Variants in SMARCD3 observed in about 807,000 individuals in gnomAD.
SMARCD3 encodes the protein SWI/SNF related BAF chromatin remodeling complex subunit D3.
Under a neutral mutation model 58.0 loss-of-function variants are expected in SMARCD3, and 14 were observed. The ratio of observed to expected loss-of-function variants is 0.24; its 90% CI spans 0.16 to 0.38. SMARCD3 has a LOEUF of 0.38. Ranked by LOEUF, SMARCD3 falls within the 10% of genes least tolerant of loss-of-function variation. The pLI is 1.00. For synonymous variants in SMARCD3, 253 were observed against 253.8 expected, an observed-to-expected ratio of 1.00 and a Z score of 0.03; for missense variants, 408 against 636.9, an observed-to-expected ratio of 0.64 and a Z score of 3.87.
Position 151,243,067 on chromosome 7 carries a change from A to C in SMARCD3, c.334-224T>G, listed in dbSNP as rs1029436617. 2.0e-5 allele frequency among the ~76,000 whole-genome samples: 3 copies of C among 152,134 alleles called. No homozygotes were observed. The highest frequency in any genetic ancestry group is 4.4e-5 in the Non-Finnish European group (3 of 68,002). ...ATAACAATTGCTTCTCCCTTTAGGA[A>C]GTGCCTTGTGTTTCATCATCAGGGA... On this transcript the variant is annotated intron_variant, in intron 3 of 12. Coordinates refer to ENST00000262188, the MANE Select transcript of SMARCD3 (RefSeq NM_001003801.2). This position sits in a 1 kb window ranked among gnomAD's most constrained non-coding sequence, Gnocchi z 4.4.
At position 151,242,279 on chromosome 7, in the gene SMARCD3, G is replaced by T; in HGVS notation, c.580-47C>A. 2 of 1,510,334 alleles carry T rather than the reference G, an allele frequency of 1.3e-6. No individual in the cohort carries two copies. The highest frequency in any genetic ancestry group is 1.1e-5 in the South Asian group (1 of 89,100). The allele number at this position is 1,510,334 out of a possible 1,614,324, so 93.6% of individuals were successfully genotyped here. On this transcript the variant is annotated intron_variant, in intron 5 of 12. Coordinates refer to ENST00000262188, the MANE Select transcript of SMARCD3 (RefSeq NM_001003801.2). The surrounding 1 kb of genome is among the most constrained non-coding windows in gnomAD (Gnocchi z 4.7). ...CATGGGGGCAGAACAGGGACGAGGTGGGAGGAGCAGAAGGAGGCCAAGTTG... is the reference window on the plus strand; with the variant it reads ...CATGGGGGCAGAACAGGGACGAGGTTGGAGGAGCAGAAGGAGGCCAAGTTG...
rs1292171762 is a variant in SMARCD3 at position 151,240,004 on chromosome 7, TTTAA to T, written c.1173+104_1173+107del. On this transcript the variant is annotated intron_variant, in intron 10 of 12. Coordinates refer to ENST00000262188, the MANE Select transcript of SMARCD3 (RefSeq NM_001003801.2). The stretch of plus-strand genomic sequence containing the variant: ...GTCTGGTCTCTTTTTTTTTTTTTTT[TTTAA>T]TTTAACCCAGACTGCTCATCTGCAA... 4 of 1,205,156 alleles carry T rather than the reference TTTAA, an allele frequency of 3.3e-6. No individual in the cohort carries two copies. The East Asian group carries it at 7.4e-5, about 22-fold the overall frequency. 74.7% of individuals were successfully genotyped at this position (1,205,156 alleles called of 1,614,324 possible).
chr7:151,245,404 CG>C lies in SMARCD3; in HGVS notation c.290+55del. The C allele has an allele frequency of 1.5e-6, 1 of 674,570 alleles. No individual in the cohort carries two copies. Among genetic ancestry groups the C allele is most frequent in the Non-Finnish European group, 2.1e-6 (1 of 480,942 alleles). The allele number at this position is 674,570 out of a possible 1,614,324, so 41.8% of individuals were successfully genotyped here. A position where few individuals can be genotyped will look rare whatever the true frequency, so the allele number is the denominator to read the frequency against. On this transcript the variant is annotated intron_variant, in intron 2 of 12. Coordinates refer to ENST00000262188, the MANE Select transcript of SMARCD3 (RefSeq NM_001003801.2). This position sits in a 1 kb window ranked among gnomAD's most constrained non-coding sequence, Gnocchi z 6.2. ...CCGCTACTCGCTTACCTGGTCCCTG[CG>C]GGTCCCCCAGGGCCCGCCCCTGCAC...
At chr7:151,269,791 G>A (rs528974825) in intron 2 of SMARCD3, among the ~76,000 whole-genome samples, 1 of 152,326 alleles carries the variant, frequency 6.6e-6, no homozygotes, top group Admixed American at 6.5e-5. Context: ...GGTGAACGCA[G>A]GCATTGTGCA....
chr7:151,259,938 T>A (rs1263746657), intron 2 of SMARCD3, among the ~76,000 whole-genome samples: 1 of 152,078 alleles, frequency 6.6e-6, no homozygotes, highest in African/African-American at 2.4e-5. Context: ...AGTAATAACA[T>A]CGGCTTAGAT....
chr7:151,262,080 C>T lies in SMARCD3; in HGVS notation c.39+13034G>A, dbSNP rs187681575. Among the ~76,000 whole-genome samples the T allele has an allele frequency of 1.8e-3, 272 of 149,518 alleles. 1 individual carries two copies. The highest frequency in any genetic ancestry group is 3.1e-3 in the Non-Finnish European group (205 of 67,076). On this transcript the variant is annotated intron_variant, in intron 2 of 13. Transcript: ENST00000356800. ...GAAGCCACCACATGTAGCACATCCA[C>T]TGCACTTCAACCTTTTTTTTTTTTT...
At chr7:151,257,597 T>C (rs2530458) in intron 2 of SMARCD3, among the ~76,000 whole-genome samples, 74,351 of 151,970 alleles carry the variant, frequency 0.49, 18,659 homozygotes, top group East Asian at 0.85. Flanking sequence ...AGTGCTGGGA[T>C]TACAGGTGTG....
At chr7:151,240,775 C>T in intron 8 of SMARCD3, 1 of 497,448 alleles carries the variant, frequency 2.0e-6, no homozygotes, top group Non-Finnish European at 3.6e-6. Flanking sequence ...ATGTATCAGT[C>T]CTGCCTCTGC....
At chr7:151,251,743 C>G (rs992906489), upstream of SMARCD3, among the ~76,000 whole-genome samples, 1 of 151,842 alleles carries the variant, frequency 6.6e-6, no homozygotes, top group Non-Finnish European at 1.5e-5. Context: ...GCGCCGCAGT[C>G]CCCCCTGCCG....
chr7:151,251,773 C>G (rs1803520223), upstream of SMARCD3, among the ~76,000 whole-genome samples: 1 of 151,872 alleles, frequency 6.6e-6, no homozygotes, highest in Non-Finnish European at 1.5e-5. Flanking sequence ...CGCTCCTTCC[C>G]TCGCTGAAGC....
At position 151,260,497 on chromosome 7, in the gene SMARCD3, GA is replaced by G. The variant is rs200494896; in HGVS notation, c.39+14616del. On this transcript the variant is annotated intron_variant, in intron 2 of 13. Coordinates refer to the SMARCD3 transcript ENST00000356800. ...AATATTACTTTTTAGCCAAAAACAA[GA>G]AAAAAAAATGAATGCTAGTTAAACT... Among the ~76,000 whole-genome samples, 243 of 151,198 alleles carry G rather than the reference GA, an allele frequency of 1.6e-3. 2 individuals carry two copies. The East Asian group carries it at 0.035, about 22-fold the overall frequency.
upstream of SMARCD3, among the ~76,000 whole-genome samples, chr7:151,250,984 G>A (rs1047356277): frequency 3.9e-5 from 6 of 152,220 alleles, no homozygotes; most frequent in South Asian, 2.1e-4. Context: ...AGGTTCTGGG[G>A]GTTGGAGATA....
At position 151,242,754 on chromosome 7, in the gene SMARCD3, C is replaced by T; in HGVS notation, c.423G>A (p.Val141=). ...GCCTCTTCAGAGCCTCCTGGATGTC[C>T]ACCCGCTTCCGCATGATGGTTTGAT... is the stretch of plus-strand genomic sequence containing the variant. ...KLDQTIMRKR[V]DIQEALKRPM... The change falls in exon 4 of 13, where the codon GTG becomes GTA. Residue 141 remains valine, a synonymous_variant. Transcript: ENST00000262188. The surrounding 1 kb of genome is among the most constrained non-coding windows in gnomAD (Gnocchi z 4.7). 6.2e-7 allele frequency: 1 copy of T among 1,614,152 alleles called. No homozygotes were observed. The highest frequency in any genetic ancestry group is 8.5e-7 in the Non-Finnish European group (1 of 1,180,016).
At position 151,239,342 on chromosome 7, in the gene SMARCD3, G is replaced by C; in HGVS notation, c.1398+54C>G. 1 of 1,466,332 alleles carries C rather than the reference G, an allele frequency of 6.8e-7. No homozygotes were observed. The highest frequency in any genetic ancestry group is 9.6e-7 in the Non-Finnish European group (1 of 1,046,708). 90.8% of individuals were successfully genotyped at this position (1,466,332 alleles called of 1,614,324 possible). On this transcript the variant is annotated intron_variant, in intron 12 of 12. Coordinates refer to ENST00000262188, the MANE Select transcript of SMARCD3 (RefSeq NM_001003801.2). This position sits in a 1 kb window ranked among gnomAD's most constrained non-coding sequence, Gnocchi z 7.0. ...GGGCTGCCCACAAGCTGAACAGGGA[G>C]GTTTCTCTTGGAGTTGAGGATGGGG...
At position 151,238,947 on chromosome 7, in the gene SMARCD3, CCA is replaced by C; in HGVS notation, c.*154_*155del. 9.4e-7 allele frequency: 1 copy of C among 1,069,414 alleles called. No individual in the cohort carries two copies. The highest frequency in any genetic ancestry group is 1.4e-6 in the Non-Finnish European group (1 of 712,620). The allele number at this position is 1,069,414 out of a possible 1,614,324, so 66.2% of individuals were successfully genotyped here. ...TTCCCCTTCTCTCCCCCTCCCCTCCCCAGTTTCCAATGACCACACGGCTGCTG... is the reference window on the plus strand; with the variant it reads ...TTCCCCTTCTCTCCCCCTCCCCTCCCGTTTCCAATGACCACACGGCTGCTG... On this transcript the variant is annotated 3_prime_UTR_variant, in exon 13 of 13. Coordinates refer to ENST00000262188, the MANE Select transcript of SMARCD3 (RefSeq NM_001003801.2).
At chr7:151,270,605 C>T (rs1037529795) in intron 2 of SMARCD3, among the ~76,000 whole-genome samples, 11 of 152,082 alleles carry the variant, frequency 7.2e-5, no homozygotes, top group Admixed American at 3.3e-4. Context: ...GTGGAACTGA[C>T]GTGGAGGCTT....
At chr7:151,255,480 C>T (rs1427381629) in intron 2 of SMARCD3, among the ~76,000 whole-genome samples, 1 of 152,158 alleles carries the variant, frequency 6.6e-6, no homozygotes, top group East Asian at 1.9e-4. Flanking sequence ...TGGCTCCTGG[C>T]TCATGTCACT....
At chr7:151,248,913 G>T, upstream of SMARCD3, 2 of 158,704 alleles carry the variant, frequency 1.3e-5, no homozygotes, top group South Asian at 3.6e-4. The surrounding 1 kb of genome is among the most constrained non-coding windows in gnomAD (Gnocchi z 6.1). Context: ...GAGGCGCGCC[G>T]ACCAGCCCGG....
chr7:151,242,267 C>T lies in SMARCD3; in HGVS notation c.580-35G>A, dbSNP rs745448304. On this transcript the variant is annotated intron_variant, in intron 5 of 12. Coordinates refer to ENST00000262188, the MANE Select transcript of SMARCD3 (RefSeq NM_001003801.2). This position sits in a 1 kb window ranked among gnomAD's most constrained non-coding sequence, Gnocchi z 4.7. ...AGCAACAGGGACCATGGGGGCAGAA[C>T]AGGGACGAGGTGGGAGGAGCAGAAG... The T allele has an allele frequency of 6.4e-7, 1 of 1,570,896 alleles. No individual in the cohort carries two copies. The highest frequency in any genetic ancestry group is 8.8e-7 in the Non-Finnish European group (1 of 1,140,664).
Sources: allele counts gnomAD v4.1 joint callset (sites outside exome capture counted in the v4.1 genomes callset), GRCh38; gene constraint gnomAD v4.1.1; non-coding constraint Gnocchi (gnomAD v3.1); transcripts MANE v1.5; gene names NCBI Gene and HGNC (gene_info 2026-07-23, HGNC 2026-07-21).